The following RIMBP2 variants were observed in gnomAD, a reference collection of about 807,000 sequenced individuals.
The protein encoded by RIMBP2 is RIMS-binding protein 2.
A neutral mutation model predicts 118.6 loss-of-function variants in RIMBP2; 48 were observed. That is an observed-to-expected ratio of 0.40 (90% CI 0.32 to 0.51). The LOEUF (loss-of-function observed/expected upper bound fraction) is 0.51, where lower values mean the gene tolerates loss of function less well. Among genes scored for constraint, RIMBP2 ranks in the 20% least tolerant of loss-of-function variants. The probability of loss-of-function intolerance (pLI) is 0.41; values close to 1 mark genes in which losing one functional copy is unlikely to be tolerated. For missense variants in RIMBP2, 1,551 were observed against 1,768.3 expected, an observed-to-expected ratio of 0.88 and a Z score of 2.20; for synonymous variants, 762 against 742.9, an observed-to-expected ratio of 1.03 and a Z score of -0.42.
At position 130,525,959 on chromosome 12, in the gene RIMBP2, G is replaced by T. The variant is rs1258488750; in HGVS notation, c.-216-8042C>A. Among the ~76,000 whole-genome samples, 1 of 152,066 alleles carries T rather than the reference G, an allele frequency of 6.6e-6. No individual in the cohort carries two copies. Among genetic ancestry groups the T allele is most frequent in the African/African-American group, 2.4e-5 (1 of 41,390 alleles). ...GTGGAGGGGTGGGACTCAAGCCCGG[G>T]CTGTGCAGCTGTCAGGTTTGAGACC... On this transcript the variant is annotated intron_variant, in intron 2 of 22. Coordinates refer to ENST00000690449, the MANE Select transcript of RIMBP2 (RefSeq NM_001393629.1). This position sits in a 1 kb window ranked among gnomAD's most constrained non-coding sequence, Gnocchi z 4.4.
intron 2 of RIMBP2, among the ~76,000 whole-genome samples, chr12:130,555,092 A>C (rs1390618255): frequency 6.6e-6 from 1 of 152,222 alleles, no homozygotes; most frequent in Non-Finnish European, 1.5e-5. Context: ...AAACAGAGCC[A>C]AGACAAGTTA....
intron 1 of RIMBP2, among the ~76,000 whole-genome samples, chr12:130,685,770 C>T (rs547703494): frequency 6.6e-6 from 1 of 152,170 alleles, no homozygotes; most frequent in Non-Finnish European, 1.5e-5. Context: ...TTCACAGATG[C>T]CCTGCTCTGT....
chr12:130,661,133 C>T (rs539803878), intron 1 of RIMBP2, among the ~76,000 whole-genome samples: 108 of 152,266 alleles, frequency 7.1e-4, no homozygotes, highest in Non-Finnish European at 1.3e-3. Context: ...AGCTGCCATT[C>T]GCAGTCTGTA....
At chr12:130,483,197 G>C (rs112355079) in intron 4 of RIMBP2, among the ~76,000 whole-genome samples, 1 of 124,560 alleles carries the variant, frequency 8.0e-6, no homozygotes, top group Non-Finnish European at 1.7e-5. Context: ...ACATGTGTCA[G>C]ATTCTGCAGG....
intron 2 of RIMBP2, among the ~76,000 whole-genome samples, chr12:130,596,825 T>C (rs2059589814): frequency 6.6e-6 from 1 of 152,340 alleles, no homozygotes; most frequent in African/African-American, 2.4e-5. Flanking sequence ...CTGAACTAAG[T>C]ATTTCTACAA....
intron 12 of RIMBP2, 30 bp downstream of exon 12, chr12:130,438,335 A>ACCGGCCCCCCCCCC: frequency 1.2e-6 from 1 of 865,014 alleles, no homozygotes; most frequent in East Asian, 2.8e-5. Flanking sequence ...GGCCTAACAA[A>ACCGGCCCCCCCCCC]CCCTCCCCAC....
rs915563624 is a variant in RIMBP2, at chr12:130,674,917, G to A, written c.-352+41305C>T. ...CACAGCGTGTCCGCAAGGTTCATCC[G>A]TGTGGTGGCGTGTGTCAGGCTTCAT... On this transcript the variant is annotated intron_variant, in intron 1 of 22. Coordinates refer to ENST00000690449, the MANE Select transcript of RIMBP2 (RefSeq NM_001393629.1). Among the ~76,000 whole-genome samples, 7 of 152,300 alleles carry A rather than the reference G, an allele frequency of 4.6e-5. No homozygotes were observed. The East Asian group carries it at 9.7e-4, about 21-fold the overall frequency.
intron 1 of RIMBP2, among the ~76,000 whole-genome samples, chr12:130,700,267 C>T (rs1204545368): frequency 3.3e-5 from 5 of 152,138 alleles, no homozygotes; most frequent in African/African-American, 1.2e-4. Context: ...TCCTTTTCTC[C>T]CTTCACCCAT....
At chr12:130,592,871 G>A (rs2059356210) in intron 2 of RIMBP2, among the ~76,000 whole-genome samples, 1 of 152,090 alleles carries the variant, frequency 6.6e-6, no homozygotes, top group Non-Finnish European at 1.5e-5. Context: ...TGAGGATCCG[G>A]GCTGCGATGT....
intron 9 of RIMBP2, 48 bp from the exon 10 acceptor site, chr12:130,445,317 C>T (rs769715987): frequency 1.5e-6 from 2 of 1,370,176 alleles, no homozygotes; most frequent in Non-Finnish European, 2.0e-6. Context: ...GAGGACACAG[C>T]CCGCACCCCT....
In RIMBP2 at chr12:130,469,333, A is replaced by G. The variant is rs1006207562; in HGVS notation, c.153+1360T>C. Among the ~76,000 whole-genome samples the G allele has an allele frequency of 2.0e-5, 3 of 152,194 alleles. No homozygotes were observed. The highest frequency in any genetic ancestry group is 7.2e-5 in the African/African-American group (3 of 41,448). ...CACCAGCAGCACGGGGTGACAGGTGACAGCGGGATCATGGTGGAGCAGTCC... is the reference window on the plus strand; with the variant it reads ...CACCAGCAGCACGGGGTGACAGGTGGCAGCGGGATCATGGTGGAGCAGTCC... On this transcript the variant is annotated intron_variant, in intron 6 of 22. Transcript: ENST00000690449. This position sits in a 1 kb window ranked among gnomAD's most constrained non-coding sequence, Gnocchi z 4.8.
chr12:130,493,942 C>A lies in RIMBP2; in HGVS notation c.-4+12706G>T, dbSNP rs528930096. On this transcript the variant is annotated intron_variant, in intron 4 of 22. Transcript: ENST00000690449. ...TCCAGTGTTTCCTGAGCACCAACTA[C>A]GTCCAGGTGGCCCGACAGGCACTGG... Among the ~76,000 whole-genome samples, 16 of 152,342 alleles carry A rather than the reference C, an allele frequency of 1.1e-4. No individual in the cohort carries two copies. In the East Asian group the frequency reaches 2.9e-3, roughly 28 times the overall value.
At chr12:130,497,559 C>T (rs373843928) in intron 4 of RIMBP2, among the ~76,000 whole-genome samples, 24 of 152,278 alleles carry the variant, frequency 1.6e-4, no homozygotes, top group African/African-American at 5.1e-4. Flanking sequence ...TGGCTGTGAG[C>T]GAAGCACCAC....
At chr12:130,544,909 CG>C (rs372120520) in intron 2 of RIMBP2, among the ~76,000 whole-genome samples, 11 of 152,182 alleles carry the variant, frequency 7.2e-5, no homozygotes, top group African/African-American at 2.6e-4. Context: ...GGAGAGAGTG[CG>C]GGTGAGAGTG....
Position 130,511,745 on chromosome 12 carries a change from C to T in RIMBP2, c.-126-4975G>A, listed in dbSNP as rs375847360. Among the ~76,000 whole-genome samples the T allele has an allele frequency of 2.0e-5, 3 of 152,110 alleles. No homozygotes were observed. The highest frequency in any genetic ancestry group is 1.9e-4 in the East Asian group (1 of 5,142). On this transcript the variant is annotated intron_variant, in intron 3 of 22. Coordinates refer to ENST00000690449, the MANE Select transcript of RIMBP2 (RefSeq NM_001393629.1). This position sits in a 1 kb window ranked among gnomAD's most constrained non-coding sequence, Gnocchi z 4.3. ...AATGACCTTTCATGAAACAGAGCTT[C>T]GTGAGAAAAGCTTCAGCCCCTCTTC...
intron 17 of RIMBP2, among the ~76,000 whole-genome samples, chr12:130,417,668 C>G (rs2076178326): frequency 6.6e-6 from 1 of 152,234 alleles, no homozygotes; most frequent in Non-Finnish European, 1.5e-5. Context: ...ACCCAAACAT[C>G]AGCATTCTGC....
At chr12:130,615,536 C>T (rs1029075710) in intron 2 of RIMBP2, among the ~76,000 whole-genome samples, 1 of 151,886 alleles carries the variant, frequency 6.6e-6, no homozygotes, top group African/African-American at 2.4e-5. Flanking sequence ...GTCTTGAACT[C>T]CTGGCCTCAA....
intron 19 of RIMBP2, among the ~76,000 whole-genome samples, chr12:130,409,317 T>G (rs1359999911): frequency 7.1e-6 from 1 of 140,084 alleles, no homozygotes; most frequent in Non-Finnish European, 1.5e-5. Context: ...TAAAAGGGAC[T>G]CATACAAAAT....
At position 130,424,886 on chromosome 12, in the gene RIMBP2, C is replaced by T. The variant is rs1292698563; in HGVS notation, c.2413-28G>A. On this transcript the variant is annotated intron_variant, in intron 15 of 22. Coordinates refer to ENST00000690449, the MANE Select transcript of RIMBP2 (RefSeq NM_001393629.1). The surrounding 1 kb of genome is among the most constrained non-coding windows in gnomAD (Gnocchi z 9.8). ...TACGGGGTGGTGTGTCAAGAACAGG[C>T]GCGGGAAAGAGTGTGTGGTCAGCAT... The T allele has an allele frequency of 3.3e-6, 4 of 1,206,532 alleles. No homozygotes were observed. Among genetic ancestry groups the T allele is most frequent in the Non-Finnish European group, 3.1e-6 (3 of 965,048 alleles). The allele number at this position is 1,206,532 out of a possible 1,614,324, so 74.7% of individuals were successfully genotyped here.
Sources: gnomAD v4.1 joint callset for allele counts (sites outside exome capture counted in the v4.1 genomes callset) on GRCh38, gnomAD v4.1.1 for gene constraint, Gnocchi (gnomAD v3.1) non-coding constraint, MANE v1.5 for transcripts, NCBI Gene and HGNC (gene_info 2026-07-23, HGNC 2026-07-21) for gene names.